PRIM2: variants seen among roughly 807,000 people sequenced by gnomAD.
The protein encoded by PRIM2 is DNA primase subunit 2.
In PRIM2, 39 loss-of-function variants were observed where a neutral mutation model predicts 67.3. The ratio of observed to expected loss-of-function variants is 0.58; its 90% confidence interval spans 0.45 to 0.76. The LOEUF (loss-of-function observed/expected upper bound fraction) is 0.76. PRIM2 is among the 30% of genes least tolerant of loss of function. The pLI is 0.00. For missense variants in PRIM2, 398 were observed against 598.7 expected, an observed-to-expected ratio of 0.66 and a Z score of 3.50; for synonymous variants, 143 against 198.7, an observed-to-expected ratio of 0.72 and a Z score of 2.36.
intron 5 of PRIM2, among the ~76,000 whole-genome samples, chr6:57,371,942 G>GA (rs1476347314): frequency 6.6e-6 from 1 of 152,226 alleles, no homozygotes; most frequent in African/African-American, 2.4e-5. Flanking sequence ...CAATTAAGTA[G>GA]AAAAGTTACT....
At chr6:57,564,551 G>A (rs1581992859) in intron 10 of PRIM2, among the ~76,000 whole-genome samples, 1 of 151,826 alleles carries the variant, frequency 6.6e-6, no homozygotes, top group African/African-American at 2.4e-5. Flanking sequence ...TTTTTGGTTT[G>A]TTTGTTTACT....
intron 10 of PRIM2, among the ~76,000 whole-genome samples, chr6:57,560,805 C>T (rs1349292852): frequency 6.6e-6 from 1 of 152,164 alleles, no homozygotes; most frequent in African/African-American, 2.4e-5. Context: ...GTTCAGTAAA[C>T]TCTGCTATAA....
At chr6:57,335,015 G>A (rs1215171003) in intron 5 of PRIM2, among the ~76,000 whole-genome samples, 12 of 152,262 alleles carry the variant, frequency 7.9e-5, no homozygotes, top group South Asian at 4.1e-4. Context: ...CACCGTGCAC[G>A]AGCCGAAGCA....
rs1422874277 is a variant in PRIM2 at position 57,453,720 on chromosome 6, T to C, written c.694-53667T>C. On this transcript the variant is annotated intron_variant, in intron 7 of 13. Transcript: ENST00000615550. ...ATGGGGTTTTCTAAATATACAATCA[T>C]GTCATCTGCAAACAGGGACGATTTG... 1.4e-4 allele frequency among the ~76,000 whole-genome samples: 22 copies of C among 152,324 alleles called. No homozygotes were observed. The East Asian group carries it at 2.7e-3, about 19-fold the overall frequency.
At chr6:57,369,439 C>T (rs1769472370) in intron 5 of PRIM2, among the ~76,000 whole-genome samples, 1 of 152,146 alleles carries the variant, frequency 6.6e-6, no homozygotes, top group East Asian at 1.9e-4. Context: ...ACCGTTATAC[C>T]ATGTGCTACC....
At chr6:57,298,872 G>A in the PRIM2 span, among the ~76,000 whole-genome samples, 6 of 151,886 alleles carry the variant, frequency 4.0e-5, no homozygotes, top group East Asian at 1.9e-4. Context: ...CCTCTCTGCC[G>A]GCCTTGCTTT....
At chr6:57,259,035 ATG>A in the PRIM2 span, among the ~76,000 whole-genome samples, 2 of 152,220 alleles carry the variant, frequency 1.3e-5, no homozygotes, top group African/African-American at 4.8e-5. Flanking sequence ...CCCATGTACC[ATG>A]GCAAACACAT....
intron 7 of PRIM2, among the ~76,000 whole-genome samples, chr6:57,498,958 A>C (rs1774068686): frequency 6.6e-6 from 1 of 152,190 alleles, no homozygotes; most frequent in African/African-American, 2.4e-5. Context: ...TGTTCTTCCT[A>C]CAGGCCCTTT....
At chr6:57,518,364 C>T (rs1774531736) in intron 8 of PRIM2, among the ~76,000 whole-genome samples, 1 of 152,188 alleles carries the variant, frequency 6.6e-6, no homozygotes. Context: ...AATATTTTCT[C>T]ACTATGTTAT....
intron 5 of PRIM2, among the ~76,000 whole-genome samples, chr6:57,342,894 A>T (rs1768538851): frequency 1.3e-5 from 2 of 152,236 alleles, no homozygotes; most frequent in Non-Finnish European, 2.9e-5. Flanking sequence ...TGAGCCTGAC[A>T]TCTAAAATTT....
At chr6:57,241,195 T>G in the PRIM2 span, among the ~76,000 whole-genome samples, 29 of 140,922 alleles carry the variant, frequency 2.1e-4, no homozygotes, top group African/African-American at 4.8e-4. Context: ...GTGCACTCCA[T>G]CCTGGGCGAC....
At position 57,409,607 on chromosome 6, in the gene PRIM2, A is replaced by G. The variant is rs567289268; in HGVS notation, c.693+27439A>G. ...TCATCTCCAGTAGTGTATGTGTTCC[A>G]GTTATTCTACCACCTTGCCAAAAGT... On this transcript the variant is annotated intron_variant, in intron 7 of 13. Transcript: ENST00000615550. Among the ~76,000 whole-genome samples, 14 of 152,316 alleles carry G rather than the reference A, an allele frequency of 9.2e-5. No individual in the cohort carries two copies. The East Asian group carries it at 2.7e-3, about 29-fold the overall frequency.
the PRIM2 span, among the ~76,000 whole-genome samples, chr6:57,281,818 C>T: frequency 4.6e-5 from 7 of 152,156 alleles, no homozygotes; most frequent in Non-Finnish European, 5.9e-5. Context: ...AAGTGATCTG[C>T]AGGCATTTCT....
intron 7 of PRIM2, among the ~76,000 whole-genome samples, chr6:57,501,766 GAT>G (rs1774136583): frequency 6.6e-6 from 1 of 152,160 alleles, no homozygotes; most frequent in Non-Finnish European, 1.5e-5. Context: ...TTAGCATTGT[GAT>G]TTAAATAACA....
the PRIM2 span, among the ~76,000 whole-genome samples, chr6:57,237,370 G>T: frequency 6.6e-6 from 1 of 152,134 alleles, no homozygotes; most frequent in African/African-American, 2.4e-5. Context: ...TGGGTTGCCT[G>T]TTCACTCTGA....
intron 12 of PRIM2, among the ~76,000 whole-genome samples, chr6:57,618,797 G>C (rs1776798819): frequency 6.6e-6 from 1 of 152,024 alleles, no homozygotes; most frequent in Non-Finnish European, 1.5e-5. Flanking sequence ...TCTTTGCTCA[G>C]ACACGCATAG....
the PRIM2 span, among the ~76,000 whole-genome samples, chr6:57,286,809 G>A: frequency 0.085 from 12,988 of 152,208 alleles, 590 homozygotes; most frequent in Non-Finnish European, 0.1. Context: ...ACTATCATCA[G>A]AGTGAACAGG....
intron 7 of PRIM2, among the ~76,000 whole-genome samples, chr6:57,427,195 A>G (rs1771661121): frequency 6.6e-6 from 1 of 152,178 alleles, no homozygotes; most frequent in Non-Finnish European, 1.5e-5. Flanking sequence ...TTCGTGTTAC[A>G]GGTTTTCTTA....
intron 7 of PRIM2, among the ~76,000 whole-genome samples, chr6:57,414,017 A>C (rs1315238585): frequency 1.3e-5 from 2 of 152,088 alleles, no homozygotes; most frequent in African/African-American, 2.4e-5. Flanking sequence ...ACTTGCTATG[A>C]CTACATTGAT....
Sources: allele counts gnomAD v4.1 joint callset (sites outside exome capture counted in the v4.1 genomes callset), GRCh38; gene constraint gnomAD v4.1.1; transcripts MANE v1.5; gene names NCBI Gene and HGNC (gene_info 2026-07-23, HGNC 2026-07-21).